Variants in CDSN observed in about 807,000 individuals in gnomAD.
The protein encoded by CDSN is corneodesmosin, also known as S protein.
In CDSN, 11 loss-of-function variants were observed where a neutral mutation model predicts 25.6. The observed-to-expected ratio is 0.43, with a 90% CI of 0.27 to 0.71. The LOEUF is 0.71. CDSN is among the 30% of genes least tolerant of loss of function. CDSN has a pLI of 0.20. For missense variants in CDSN, 598 were observed against 670.9 expected (o/e 0.89, Z 1.20); for synonymous variants, 266 against 267.4 (o/e 0.99, Z 0.05).
At position 31,117,166 on chromosome 6, in the gene CDSN, CTTCCCGAGTGAGAGCCGCTGT is replaced by C. The variant is rs761631638; in HGVS notation, c.428_448del (p.Asn143_Gly149del). The C allele has an allele frequency of 6.5e-5, 62 of 951,336 alleles. No homozygotes were observed. Among genetic ancestry groups the C allele is most frequent in the South Asian group, 3.7e-4 (22 of 59,008 alleles). The allele number at this position is 951,336 out of a possible 1,614,324, so 58.9% of individuals were successfully genotyped here. On this transcript the variant is annotated inframe_deletion, in exon 2 of 2. Transcript: ENST00000376288. ...GCTGCTGCTCGAATGAGAGCTGCTG[CTTCCCGAGTGAGAGCCGCTGT>C]TTCCCGAGTGAGAGCTGCTGCTCCC... is the stretch of plus-strand genomic sequence containing the variant.
Position 31,117,183 on chromosome 6 carries a change from G to C in CDSN, c.432C>G (p.Ser144Arg), listed in dbSNP as rs1456102487. The C allele has an allele frequency of 1.2e-6, 2 of 1,611,744 alleles. No homozygotes were observed. The highest frequency in any genetic ancestry group is 1.7e-6 in the Non-Finnish European group (2 of 1,178,274). ...AGCTGCTGCTTCCCGAGTGAGAGCC[G>C]CTGTTTCCCGAGTGAGAGCTGCTGC... ...LGSSSSHSGN[S>R]GSHSGSSSSH... The change falls in exon 2 of 2, where the codon AGC (serine) becomes AGG (arginine). Residue 144 changes from serine to arginine, a missense_variant. Ser to Arg is a moderately radical substitution (Grantham distance 110, BLOSUM62 -1). Transcript: ENST00000376288.
rs1425919963 is a variant in CDSN, at chr6:31,116,487, C to T, written c.1128G>A (p.Gly376=). ...AIAFQPVGTG[G]VQLCGGGSTG... ...TGGAGCCGCCTCCACAGAGCTGGAC[C>T]CCACCAGTCCCCACTGGCTGGAATG... is the stretch of plus-strand genomic sequence containing the variant. The change falls in exon 2 of 2, where the codon GGG becomes GGA. Residue 376 remains glycine, a synonymous_variant. Coordinates refer to ENST00000376288, the MANE Select transcript of CDSN (RefSeq NM_001264.5). 6.2e-7 allele frequency: 1 copy of T among 1,606,720 alleles called. No individual in the cohort carries two copies. The highest frequency in any genetic ancestry group is 8.5e-7 in the Non-Finnish European group (1 of 1,176,452).
Position 31,116,701 on chromosome 6 carries a change from C to A in CDSN, c.914G>T (p.Ser305Ile). The change falls in exon 2 of 2, where the codon AGT (serine) becomes ATT (isoleucine). Residue 305 changes from serine (S) to isoleucine (I), a missense_variant. Coordinates refer to ENST00000376288, the MANE Select transcript of CDSN (RefSeq NM_001264.5). ...GYEVVGGSSD[S>I]YLVPGMTYSK... ...GTAGGTCATGCCTGGAACCAGATAA[C>A]TGTCAGAGGAGCCACCCACCACCTC... The A allele has an allele frequency of 6.2e-7, 1 of 1,612,768 alleles. No individual in the cohort carries two copies. The highest frequency in any genetic ancestry group is 8.5e-7 in the Non-Finnish European group (1 of 1,180,020).
chr6:31,118,837 C>CTTTTTTTTTTTTTTTTTTT lies in CDSN; in HGVS notation c.86-1309_86-1308insAAAAAAAAAAAAAAAAAAA, dbSNP rs201665595. 1.1e-4 allele frequency: 10 copies of CTTTTTTTTTTTTTTTTTTT among 92,488 alleles called. 1 individual carries two copies. Among genetic ancestry groups the CTTTTTTTTTTTTTTTTTTT allele is most frequent in the East Asian group, 4.0e-4 (1 of 2,518 alleles). The allele number at this position is 92,488 out of a possible 1,614,324, so 5.7% of individuals were successfully genotyped here. A position where few individuals can be genotyped will look rare whatever the true frequency, so the allele number is the denominator to read the frequency against. On this transcript the variant is annotated intron_variant, in intron 1 of 1. Coordinates refer to ENST00000376288, the MANE Select transcript of CDSN (RefSeq NM_001264.5). ...ATCATCCACCTGGAAGTTTTTTCTT[C>CTTTTTTTTTTTTTTTTTTT]TTCTTCTTTTTTTTTTTTTTTTTTG...
At chr6:31,117,741 C>A (rs1296143816) in intron 1 of CDSN, 4 of 591,062 alleles carry the variant, frequency 6.8e-6, no homozygotes, top group Admixed American at 3.0e-5. Flanking sequence ...GAAGGGTGGG[C>A]AAACACCAAC....
At position 31,117,342 on chromosome 6, in the gene CDSN, G is replaced by GATACCA; in HGVS notation, c.272_273insTGGTAT (p.Ser91_Ser92insGlyIle). ...CCTGGGCAATGCTGGATCCGCTGGAGCTACCACTGGAGCCACCACCAGAGC... is the reference window on the plus strand; with the variant it reads ...CCTGGGCAATGCTGGATCCGCTGGAGATACCACTACCACTGGAGCCACCACCAGAGC... On this transcript the variant is annotated inframe_insertion, in exon 2 of 2. Transcript: ENST00000376288. The GATACCA allele has an allele frequency of 4.4e-6, 7 of 1,577,568 alleles. No homozygotes were observed. The highest frequency in any genetic ancestry group is 6.0e-6 in the Non-Finnish European group (7 of 1,161,480).
In CDSN at chr6:31,116,919, G is replaced by A. The variant is rs765082620; in HGVS notation, c.696C>T (p.Ile232=). The A allele has an allele frequency of 1.9e-6, 3 of 1,614,128 alleles. No homozygotes were observed. Among genetic ancestry groups the A allele is most frequent in the East Asian group, 2.2e-5 (1 of 44,884 alleles). ...IPDSPCSGGP[I]VSHSGPYIPS... ...GGATGTAGGGGCCGGAGTGCGAGAC[G>A]ATGGGCCCTCCACTGCAGGGAGAGT... is the stretch of plus-strand genomic sequence containing the variant. Residue 232 remains isoleucine (I), a synonymous_variant, in exon 2 of 2, where the codon ATC becomes ATT. Coordinates refer to ENST00000376288, the MANE Select transcript of CDSN (RefSeq NM_001264.5).
At chr6:31,119,509 C>T (rs3130990) in intron 1 of CDSN, among the ~76,000 whole-genome samples, 62,138 of 152,020 alleles carry the variant, frequency 0.41, 13,540 homozygotes, top group African/African-American at 0.57. Flanking sequence ...AATGCATGAT[C>T]TTGAGCTACT....
rs1772196809 is a variant in CDSN, at chr6:31,117,194, A to T, written c.421T>A (p.Ser141Thr). 2 of 1,613,040 alleles carry T rather than the reference A, an allele frequency of 1.2e-6. No individual in the cohort carries two copies. Among genetic ancestry groups the T allele is most frequent in the Admixed American group, 1.7e-5 (1 of 59,988 alleles). Reference protein sequence around the residue: ...SSQLGSSSSHSGNSGSHSGSS... With the variant: ...SSQLGSSSSHTGNSGSHSGSS... ...CCCGAGTGAGAGCCGCTGTTTCCCG[A>T]GTGAGAGCTGCTGCTCCCCAGCTGG... is the stretch of plus-strand genomic sequence containing the variant. Residue 141 changes from serine to threonine, a missense_variant, in exon 2 of 2, where the codon TCG becomes ACG. Transcript: ENST00000376288.
At position 31,119,902 on chromosome 6, in the gene CDSN, T is replaced by G. The variant is rs958731675; in HGVS notation, c.85+433A>C. Among the ~76,000 whole-genome samples, 7 of 81,486 alleles carry G rather than the reference T, an allele frequency of 8.6e-5. No homozygotes were observed. In the East Asian group the frequency reaches 2.5e-3, roughly 29 times the overall value. The allele number at this position is 81,486 out of a possible 152,430, so 53.5% of individuals were successfully genotyped here. The stretch of plus-strand genomic sequence containing the variant: ...GCCTTGGAGACAGAGTGGGACTCCA[T>G]CTCACAAAAAAAAATAAAAATAAAA... On this transcript the variant is annotated intron_variant, in intron 1 of 1. Transcript: ENST00000376288.
chr6:31,117,839 C>T (rs1772251633), intron 1 of CDSN: 4 of 385,680 alleles, frequency 1.0e-5, no homozygotes, highest in Admixed American at 4.1e-5. Flanking sequence ...TGGCTCACGC[C>T]GGTAATCCCA....
chr6:31,116,121 G>A lies in CDSN; in HGVS notation c.1494C>T (p.Ser498=). The change falls in exon 2 of 2, where the codon TCC becomes TCT. Residue 498 remains serine, a synonymous_variant. Transcript: ENST00000376288. ...SSSAGKIPCR[S]IRDILAQVKP... is the part of the protein sequence containing the mutation. ...TCACTTGGGCTAGGATATCCCGGATGGAGCGGCAGGGGATCTTTCCAGCAC... is the reference window on the plus strand; with the variant it reads ...TCACTTGGGCTAGGATATCCCGGATAGAGCGGCAGGGGATCTTTCCAGCAC... The A allele has an allele frequency of 1.9e-6, 3 of 1,610,880 alleles. No individual in the cohort carries two copies. Among genetic ancestry groups the A allele is most frequent in the Non-Finnish European group, 2.5e-6 (3 of 1,178,344 alleles).
Position 31,115,102 on chromosome 6 carries a change from A to AAAT in CDSN, c.*920_*922dup, listed in dbSNP as rs1164186145. The AAAT allele has an allele frequency of 2.8e-6, 1 of 356,576 alleles. No homozygotes were observed. Among genetic ancestry groups the AAAT allele is most frequent in the Non-Finnish European group, 5.5e-6 (1 of 182,540 alleles). 22.1% of individuals were successfully genotyped at this position (356,576 alleles called of 1,614,324 possible). On this transcript the variant is annotated 3_prime_UTR_variant, in exon 2 of 2. Transcript: ENST00000376288. The surrounding 1 kb of genome is among the most constrained non-coding windows in gnomAD (Gnocchi z 4.2). ...AGGCAATCTCTGCTTTCAGTTCAAC[A>AAAT]AATATTTATTGTCTTCCTCCTCTGT...
chr6:31,115,970 A>G lies in CDSN; in HGVS notation c.*55T>C. On this transcript the variant is annotated 3_prime_UTR_variant, in exon 2 of 2. Transcript: ENST00000376288. The surrounding 1 kb of genome is among the most constrained non-coding windows in gnomAD (Gnocchi z 4.2). ...GCACTGGACTTCTCCCATATGGGAT[A>G]TAGTGTATGTGCTTGTTTGTGCCCA... 6.8e-7 allele frequency: 1 copy of G among 1,477,284 alleles called. No individual in the cohort carries two copies. The highest frequency in any genetic ancestry group is 9.4e-7 in the Non-Finnish European group (1 of 1,059,440). The allele number at this position is 1,477,284 out of a possible 1,614,324, so 91.5% of individuals were successfully genotyped here. A position where few individuals can be genotyped will look rare whatever the true frequency, so the allele number is the denominator to read the frequency against.
chr6:31,115,891 A>T lies in CDSN; in HGVS notation c.*134T>A. 1.3e-6 allele frequency: 1 copy of T among 764,238 alleles called. No individual in the cohort carries two copies. The highest frequency in any genetic ancestry group is 2.2e-6 in the Non-Finnish European group (1 of 446,532). The allele number at this position is 764,238 out of a possible 1,614,324, so 47.3% of individuals were successfully genotyped here. On this transcript the variant is annotated 3_prime_UTR_variant, in exon 2 of 2. Transcript: ENST00000376288. The surrounding 1 kb of genome is among the most constrained non-coding windows in gnomAD (Gnocchi z 4.2). ...AGTCTGCAACCTTGGGGTAGTGGAG[A>T]AAGCAGAACCACTCTTTTGGGAAGG...
rs1048238270 is a variant in CDSN at position 31,120,382 on chromosome 6, C to A, written c.38G>T (p.Gly13Val). Residue 13 changes from glycine (G) to valine (V), a missense_variant, in exon 1 of 2, where the codon GGT becomes GTT. Coordinates refer to ENST00000376288, the MANE Select transcript of CDSN (RefSeq NM_001264.5). ...CAGCAGTGCCATCATCCCGTGCCCA[C>A]CCACACGCCCCATCCAGGGTGCCCG... ...SSRAPWMGRV[G>V]GHGMMALLLA... 1.9e-6 allele frequency: 3 copies of A among 1,593,938 alleles called. No individual in the cohort carries two copies. Among genetic ancestry groups the A allele is most frequent in the Non-Finnish European group, 2.6e-6 (3 of 1,171,020 alleles).
At position 31,115,735 on chromosome 6, in the gene CDSN, A is replaced by C; in HGVS notation, c.*290T>G. Reference sequence around the variant, plus strand: ...GGACCATTTCCACACAGTAGAGGGAATTGTAAGGGGTGGTGATCTGGCTGA... The same window carrying C: ...GGACCATTTCCACACAGTAGAGGGACTTGTAAGGGGTGGTGATCTGGCTGA... On this transcript the variant is annotated 3_prime_UTR_variant, in exon 2 of 2. Coordinates refer to ENST00000376288, the MANE Select transcript of CDSN (RefSeq NM_001264.5). This position sits in a 1 kb window ranked among gnomAD's most constrained non-coding sequence, Gnocchi z 4.2. 50 of 480,150 alleles carry C rather than the reference A, an allele frequency of 1.0e-4. No homozygotes were observed. Among genetic ancestry groups the C allele is most frequent in the East Asian group, 2.3e-4 (7 of 30,686 alleles). The allele number at this position is 480,150 out of a possible 1,614,324, so 29.7% of individuals were successfully genotyped here. A position where few individuals can be genotyped will look rare whatever the true frequency, so the allele number is the denominator to read the frequency against.
chr6:31,117,636 C>A, intron 1 of CDSN, 107 bp from the exon 2 acceptor site: 1 of 939,474 alleles, frequency 1.1e-6, no homozygotes, highest in Non-Finnish European at 1.7e-6. Context: ...CCAAGCAGAG[C>A]GCAGGGAGAG....
At position 31,115,826 on chromosome 6, in the gene CDSN, C is replaced by T. The variant is rs1490627025; in HGVS notation, c.*199G>A. 5 of 586,974 alleles carry T rather than the reference C, an allele frequency of 8.5e-6. No individual in the cohort carries two copies. The highest frequency in any genetic ancestry group is 4.5e-4 in the Middle Eastern group (1 of 2,200). 36.4% of individuals were successfully genotyped at this position (586,974 alleles called of 1,614,324 possible). ...AATCAAGAGAGGAGCTTTGAATCTA[C>T]CATTTTGAGAAGAGGAAGGAGGAAG... On this transcript the variant is annotated 3_prime_UTR_variant, in exon 2 of 2. Coordinates refer to ENST00000376288, the MANE Select transcript of CDSN (RefSeq NM_001264.5). The surrounding 1 kb of genome is among the most constrained non-coding windows in gnomAD (Gnocchi z 4.2).
Sources: allele counts gnomAD v4.1 joint callset (sites outside exome capture counted in the v4.1 genomes callset), GRCh38; gene constraint gnomAD v4.1.1; non-coding constraint Gnocchi (gnomAD v3.1); transcripts MANE v1.5; gene names NCBI Gene and HGNC (gene_info 2026-07-23, HGNC 2026-07-21).